Variants in CMPK1 observed in about 807,000 individuals in gnomAD.
CMPK1 encodes the protein cytidine/uridine monophosphate kinase 1.
CMPK1 carries 10 observed loss-of-function variants against 25.7 expected under a neutral mutation model. The ratio of observed to expected loss-of-function variants is 0.39; its 90% CI spans 0.24 to 0.66. The LOEUF (loss-of-function observed/expected upper bound fraction) is 0.66. CMPK1 is among the 30% of genes least tolerant of loss of function. The pLI is 0.48. For synonymous variants in CMPK1, 106 were observed against 101.5 expected (o/e 1.04, Z -0.27); for missense variants, 199 against 280.5 (o/e 0.71, Z 2.08).
intron 1 of CMPK1, among the ~76,000 whole-genome samples, chr1:47,337,113 T>A (rs980946417): frequency 6.6e-5 from 10 of 152,044 alleles, no homozygotes; most frequent in African/African-American, 2.4e-4. Context: ...TGAAACCCCA[T>A]CTCTACTAAA....
intron 1 of CMPK1, among the ~76,000 whole-genome samples, chr1:47,345,019 C>T (rs1292654038): frequency 2.6e-5 from 4 of 151,582 alleles, no homozygotes; most frequent in South Asian, 2.1e-4. Flanking sequence ...TGGGTTCACG[C>T]GATTCTCCTG....
intron 1 of CMPK1, 70 bp from the exon 2 acceptor site, chr1:47,368,398 AG>A: frequency 1.5e-6 from 2 of 1,311,904 alleles, no homozygotes; most frequent in Non-Finnish European, 2.0e-6. Context: ...ATTAACACAA[AG>A]GAAAAAAAGT....
chr1:47,369,909 CTTTTT>C (rs60145419), intron 2 of CMPK1, among the ~76,000 whole-genome samples: 4 of 93,696 alleles, frequency 4.3e-5, no homozygotes, highest in African/African-American at 4.2e-5. Context: ...CTTTCTCTCT[CTTTTT>C]TTTTTTTTTT....
intron 1 of CMPK1, chr1:47,358,702 T>G (rs1646580509): frequency 3.0e-6 from 3 of 985,442 alleles, no homozygotes; most frequent in Non-Finnish European, 3.6e-6. Context: ...GTTCTTGTGA[T>G]CTTTGCTGAG....
chr1:47,345,500 T>C (rs1307397510), intron 1 of CMPK1, among the ~76,000 whole-genome samples: 2 of 151,180 alleles, frequency 1.3e-5, no homozygotes, highest in African/African-American at 2.4e-5. Flanking sequence ...TAATTTCTTT[T>C]TTTTTTTTTT....
intron 1 of CMPK1, among the ~76,000 whole-genome samples, chr1:47,362,201 C>T (rs1175962530): frequency 8.0e-6 from 1 of 125,184 alleles, no homozygotes. Flanking sequence ...CGGAGTTTGG[C>T]TCTTGTTGCC....
intron 1 of CMPK1, among the ~76,000 whole-genome samples, chr1:47,352,551 C>T (rs1372636471): frequency 6.6e-6 from 1 of 152,084 alleles, no homozygotes; most frequent in Non-Finnish European, 1.5e-5. Context: ...ATTCTCATTA[C>T]TTCTTTGACC....
Position 47,372,979 on chromosome 1 carries a change from A to C in CMPK1, c.343A>C (p.Asn115His), listed in dbSNP as rs376110727. ...KREMDQTMAA[N>H]AQKNKFLIDG... ...GGAAATGGATCAGACAATGGCTGCCAATGCTCAGAAGAATAAATTCTTGAT... is the reference window on the plus strand; with the variant it reads ...GGAAATGGATCAGACAATGGCTGCCCATGCTCAGAAGAATAAATTCTTGAT... The change falls in exon 3 of 6, where the codon AAT (asparagine) becomes CAT (histidine). Residue 115 changes from asparagine to histidine, a missense_variant. Asn to His is a moderately conservative substitution (Grantham distance 68). Coordinates refer to ENST00000371873, the MANE Select transcript of CMPK1 (RefSeq NM_016308.3). 1 of 1,612,380 alleles carries C rather than the reference A, an allele frequency of 6.2e-7. No homozygotes were observed. Among genetic ancestry groups the C allele is most frequent in the Admixed American group, 1.7e-5 (1 of 59,816 alleles).
chr1:47,351,439 A>G (rs888704649), intron 1 of CMPK1, among the ~76,000 whole-genome samples: 4 of 152,198 alleles, frequency 2.6e-5, no homozygotes, highest in Admixed American at 1.3e-4. Context: ...TTATGGCTCA[A>G]TAATGTTCCA....
chr1:47,360,416 T>C (rs1025854561), intron 1 of CMPK1, among the ~76,000 whole-genome samples: 3 of 152,142 alleles, frequency 2.0e-5, no homozygotes, highest in Non-Finnish European at 4.4e-5. Context: ...TGAGAAGCCA[T>C]CCGTAAAATG....
chr1:47,339,749 C>T (rs1646426163), intron 1 of CMPK1, among the ~76,000 whole-genome samples: 2 of 148,358 alleles, frequency 1.3e-5, no homozygotes, highest in Admixed American at 1.3e-4. Flanking sequence ...ACTCTGTCGC[C>T]CAGACGGGAG....
intron 1 of CMPK1, among the ~76,000 whole-genome samples, chr1:47,350,420 G>A (rs758873217): frequency 2.0e-5 from 3 of 152,004 alleles, no homozygotes; most frequent in South Asian, 4.2e-4. Context: ...GTTGGGGAGG[G>A]GGTGTTGTTT....
chr1:47,340,871 A>G (rs942295570), intron 1 of CMPK1, among the ~76,000 whole-genome samples: 5 of 152,164 alleles, frequency 3.3e-5, no homozygotes, highest in Non-Finnish European at 7.4e-5. Flanking sequence ...TCCTGACCTC[A>G]GGTGATCCGC....
At chr1:47,349,801 A>G (rs539055129) in intron 1 of CMPK1, among the ~76,000 whole-genome samples, 1 of 152,144 alleles carries the variant, frequency 6.6e-6, no homozygotes, top group Admixed American at 6.6e-5. Context: ...TCTGTTGCCC[A>G]ACTTTCTAAT....
intron 1 of CMPK1, among the ~76,000 whole-genome samples, chr1:47,343,271 G>A (rs1393062704): frequency 6.7e-6 from 1 of 150,326 alleles, no homozygotes; most frequent in Non-Finnish European, 1.5e-5. Context: ...ACAGGCATGA[G>A]CCACAATGCC....
intron 1 of CMPK1, among the ~76,000 whole-genome samples, chr1:47,367,174 C>G (rs1403807410): frequency 2.6e-5 from 4 of 152,160 alleles, no homozygotes; most frequent in African/African-American, 9.7e-5. Flanking sequence ...CCCAGCCTGA[C>G]CATTTCTTCT....
At chr1:47,343,080 G>A (rs981690751) in intron 1 of CMPK1, among the ~76,000 whole-genome samples, 3 of 150,468 alleles carry the variant, frequency 2.0e-5, no homozygotes, top group Non-Finnish European at 4.4e-5. Context: ...TCCGCCTCCC[G>A]GATTCAAGCA....
chr1:47,341,589 G>T (rs1474078115), intron 1 of CMPK1, among the ~76,000 whole-genome samples: 3 of 151,892 alleles, frequency 2.0e-5, no homozygotes, highest in Non-Finnish European at 2.9e-5. Flanking sequence ...TTATAGCAGT[G>T]TGAGAATGGA....
In CMPK1 at chr1:47,370,642, TA is replaced by T. The variant is rs35175280; in HGVS notation, c.318+2040del. Among the ~76,000 whole-genome samples the T allele has an allele frequency of 1.9e-3, 258 of 133,626 alleles. 1 individual carries two copies. Among genetic ancestry groups the T allele is most frequent in the Admixed American group, 4.1e-3 (54 of 13,144 alleles). 87.7% of individuals were successfully genotyped at this position (133,626 alleles called of 152,430 possible). A position where few individuals can be genotyped will look rare whatever the true frequency, so the allele number is the denominator to read the frequency against. On this transcript the variant is annotated intron_variant, in intron 2 of 5. Coordinates refer to ENST00000371873, the MANE Select transcript of CMPK1 (RefSeq NM_016308.3). ...GGTGACAGAGTGAAACTCTGTTTCT[TA>T]AAAAAAAAAAAATGTCCGGGTGTGG...
Sources: gnomAD v4.1 joint callset for allele counts (sites outside exome capture counted in the v4.1 genomes callset) on GRCh38, gnomAD v4.1.1 for gene constraint, MANE v1.5 for transcripts, NCBI Gene and HGNC (gene_info 2026-07-23, HGNC 2026-07-21) for gene names.